The following ZBTB20 variants were observed in gnomAD, a reference collection of about 807,000 sequenced individuals.
The protein encoded by ZBTB20 is zinc finger and BTB domain-containing protein 20.
A neutral mutation model predicts 56.9 loss-of-function variants in ZBTB20; 9 were observed. The ratio of observed to expected loss-of-function variants is 0.16; its 90% CI spans 0.10 to 0.28. ZBTB20 has a LOEUF of 0.28. ZBTB20 is among the 10% of genes least tolerant of loss of function. The pLI, the probability that ZBTB20 is intolerant of heterozygous loss-of-function variation, is 1.00. For missense variants in ZBTB20, 655 were observed against 1,003.0 expected (o/e 0.65, Z 4.69); for synonymous variants, 417 against 420.7 (o/e 0.99, Z 0.11).
At chr3:114,518,132 G>A (rs11920889) in intron 6 of ZBTB20, among the ~76,000 whole-genome samples, 11,607 of 152,200 alleles carry the variant, frequency 0.076, 471 homozygotes, top group Middle Eastern at 0.14. Context: ...TGTGGTGCCC[G>A]GACACTGCTT....
At chr3:114,971,365 T>G (rs1477875108) in intron 3 of ZBTB20, among the ~76,000 whole-genome samples, 4 of 152,154 alleles carry the variant, frequency 2.6e-5, no homozygotes, top group Non-Finnish European at 5.9e-5. Context: ...CTCAGAGATT[T>G]TGGGGGGTTC....
chr3:114,993,938 TAG>T (rs564423261), intron 2 of ZBTB20, among the ~76,000 whole-genome samples: 154 of 151,820 alleles, frequency 1.0e-3, no homozygotes, highest in Middle Eastern at 3.4e-3. Flanking sequence ...AAATGTACAA[TAG>T]AGAGTATCAG....
intron 2 of ZBTB20, among the ~76,000 whole-genome samples, chr3:115,015,551 T>C (rs1015050238): frequency 6.6e-6 from 1 of 151,880 alleles, no homozygotes; most frequent in African/African-American, 2.4e-5. Context: ...CTCCCACTTA[T>C]AAGTGAGAAT....
chr3:114,401,263 A>G (rs1347591730), intron 7 of ZBTB20, among the ~76,000 whole-genome samples: 1 of 152,124 alleles, frequency 6.6e-6, no homozygotes, highest in Non-Finnish European at 1.5e-5. Flanking sequence ...TACTTAGCTG[A>G]GCTAGTTTAA....
At chr3:114,633,464 G>C (rs2059078966) in intron 6 of ZBTB20, among the ~76,000 whole-genome samples, 1 of 152,062 alleles carries the variant, frequency 6.6e-6, no homozygotes, top group Non-Finnish European at 1.5e-5. Context: ...CTGCTGTTTG[G>C]ATAGGGAATA....
chr3:114,345,496 A>T (rs1389386498), intron 11 of ZBTB20, among the ~76,000 whole-genome samples: 1 of 152,218 alleles, frequency 6.6e-6, no homozygotes, highest in Non-Finnish European at 1.5e-5. Flanking sequence ...TCAAGCTTTG[A>T]TCCATAATTT....
chr3:115,088,115 AC>A (rs2083053939), intron 1 of ZBTB20, among the ~76,000 whole-genome samples: 4 of 152,048 alleles, frequency 2.6e-5, no homozygotes, highest in Admixed American at 1.3e-4. Flanking sequence ...AAAATGCCCT[AC>A]AGGATTTTTC....
chr3:114,708,241 G>C (rs1282930817), intron 5 of ZBTB20, among the ~76,000 whole-genome samples: 2 of 152,114 alleles, frequency 1.3e-5, no homozygotes, highest in Non-Finnish European at 2.9e-5. Flanking sequence ...TAAGGTAAGA[G>C]TTAAATTAAG....
At chr3:114,432,817 T>TCG (rs1178126457) in intron 7 of ZBTB20, among the ~76,000 whole-genome samples, 2 of 152,108 alleles carry the variant, frequency 1.3e-5, no homozygotes, top group Non-Finnish European at 2.9e-5. Flanking sequence ...TCTAATCAGG[T>TCG]CGGAGAGTAA....
intron 2 of ZBTB20, among the ~76,000 whole-genome samples, chr3:115,056,541 C>T (rs1314136404): frequency 6.6e-6 from 1 of 152,062 alleles, no homozygotes; most frequent in Non-Finnish European, 1.5e-5. Flanking sequence ...CATATTTTTG[C>T]ATTTTAACAA....
chr3:114,487,836 C>G (rs1489593865), intron 7 of ZBTB20, among the ~76,000 whole-genome samples: 1 of 152,116 alleles, frequency 6.6e-6, no homozygotes, highest in Non-Finnish European at 1.5e-5. Flanking sequence ...AATCAGAGAG[C>G]GGGGAAAGAT....
chr3:114,836,638 C>T (rs1272728604), intron 4 of ZBTB20, among the ~76,000 whole-genome samples: 1 of 152,134 alleles, frequency 6.6e-6, no homozygotes, highest in Non-Finnish European at 1.5e-5. Flanking sequence ...CTTTTTGCCT[C>T]ACCCACCACA....
Position 115,104,515 on chromosome 3 carries a change from G to A in ZBTB20, c.-702-33101C>T, listed in dbSNP as rs149020013. On this transcript the variant is annotated intron_variant, in intron 1 of 11. Transcript: ENST00000675478. ...GTGAAATATTATTTAGTGCTAAAACGAAATGAGATATCAAGCCATGAAAAG... is the reference window on the plus strand; with the variant it reads ...GTGAAATATTATTTAGTGCTAAAACAAAATGAGATATCAAGCCATGAAAAG... 8.7e-3 allele frequency among the ~76,000 whole-genome samples: 1,330 copies of A among 152,188 alleles called. 10 individuals are homozygous for A. The highest frequency in any genetic ancestry group is 0.015 in the Non-Finnish European group (1,032 of 67,994).
intron 7 of ZBTB20, among the ~76,000 whole-genome samples, chr3:114,481,850 A>G (rs1054418029): frequency 1.3e-5 from 2 of 152,186 alleles, no homozygotes; most frequent in Non-Finnish European, 2.9e-5. Flanking sequence ...GAGGGAGTAA[A>G]CCACAAAGGA....
chr3:114,655,075 C>T (rs2060322121), intron 6 of ZBTB20, among the ~76,000 whole-genome samples: 1 of 151,970 alleles, frequency 6.6e-6, no homozygotes, highest in Non-Finnish European at 1.5e-5. Flanking sequence ...TTGACTCTTG[C>T]CTTTTTATTC....
At chr3:114,731,324 C>A (rs887710150) in intron 5 of ZBTB20, among the ~76,000 whole-genome samples, 1 of 152,134 alleles carries the variant, frequency 6.6e-6, no homozygotes, top group Non-Finnish European at 1.5e-5. Flanking sequence ...ATCTCTGCTA[C>A]GTCATTCATG....
chr3:115,121,978 C>A (rs913568439), intron 1 of ZBTB20, among the ~76,000 whole-genome samples: 1 of 151,878 alleles, frequency 6.6e-6, no homozygotes, highest in African/African-American at 2.4e-5. Context: ...GTTCAGTGGT[C>A]TTTTTTAAGT....
Position 114,320,945 on chromosome 3 carries a change from C to T in ZBTB20, c.*18060G>A, listed in dbSNP as rs1203676692. On this transcript the variant is annotated 3_prime_UTR_variant, in exon 12 of 12. Transcript: ENST00000675478. ...CTAGAATTGCAGCCTCCAAACCTTG[C>T]CCATGATTTCCACCTTTCCATAGCC... is the stretch of plus-strand genomic sequence containing the variant. 1 of 152,152 alleles carries T rather than the reference C, an allele frequency of 6.6e-6. No homozygotes were observed. The highest frequency in any genetic ancestry group is 1.5e-5 in the Non-Finnish European group (1 of 68,030). 9.4% of individuals were successfully genotyped at this position (152,152 alleles called of 1,614,324 possible).
intron 6 of ZBTB20, among the ~76,000 whole-genome samples, chr3:114,598,903 T>C (rs887315911): frequency 6.6e-6 from 1 of 152,100 alleles, no homozygotes; most frequent in African/African-American, 2.4e-5. Flanking sequence ...CTGCGTTGTG[T>C]CCAGTTTGCA....
Sources: gnomAD v4.1 joint callset for allele counts (sites outside exome capture counted in the v4.1 genomes callset) on GRCh38, gnomAD v4.1.1 for gene constraint, MANE v1.5 for transcripts, NCBI Gene and HGNC (gene_info 2026-07-23, HGNC 2026-07-21) for gene names.